The following WDFY3 variants were observed in gnomAD, a reference collection of about 807,000 sequenced individuals.
WDFY3 encodes the protein WD repeat and FYVE domain-containing protein 3.
A neutral mutation model predicts 409.6 loss-of-function variants in WDFY3; 66 were observed. The observed-to-expected ratio is 0.16, with a 90% CI of 0.13 to 0.20. WDFY3 has a LOEUF of 0.20. Ranked by LOEUF, WDFY3 falls within the 10% of genes least tolerant of loss-of-function variation. The probability of loss-of-function intolerance (pLI) is 1.00; values close to 1 mark genes in which losing one functional copy is unlikely to be tolerated. For missense variants in WDFY3, 3,031 were observed against 4,298.1 expected (o/e 0.71, Z 8.24); for synonymous variants, 1,521 against 1,537.1 (o/e 0.99, Z 0.25).
At chr4:84,748,644 T>A (rs1199786892) in intron 36 of WDFY3, among the ~76,000 whole-genome samples, 1 of 152,166 alleles carries the variant, frequency 6.6e-6, no homozygotes, top group Non-Finnish European at 1.5e-5. Context: ...TTGGCCTCAG[T>A]CACACTAAAG....
chr4:84,931,254 T>G (rs947722786), intron 2 of WDFY3, among the ~76,000 whole-genome samples: 3 of 152,196 alleles, frequency 2.0e-5, no homozygotes, highest in Non-Finnish European at 4.4e-5. Flanking sequence ...GAGACCTTTT[T>G]CAGAGAACAG....
chr4:84,831,339 A>G, intron 8 of WDFY3, 74 bp downstream of exon 8: 1 of 1,121,802 alleles, frequency 8.9e-7, no homozygotes. Flanking sequence ...ACTGAAAGAT[A>G]AAAATAAATC....
intron 3 of WDFY3, among the ~76,000 whole-genome samples, chr4:84,878,966 A>G (rs576998755): frequency 1.3e-5 from 2 of 152,310 alleles, no homozygotes; most frequent in Non-Finnish European, 2.9e-5. Flanking sequence ...GGGAATGCCG[A>G]CTTCAGTTTT....
At chr4:84,675,430 G>A (rs572210205) in intron 67 of WDFY3, among the ~76,000 whole-genome samples, 2 of 152,300 alleles carry the variant, frequency 1.3e-5, no homozygotes, top group Non-Finnish European at 1.5e-5. Context: ...TGGAACACCT[G>A]TTTTGCCAGA....
chr4:84,707,154 T>C (rs938727378), intron 53 of WDFY3, among the ~76,000 whole-genome samples: 7 of 152,036 alleles, frequency 4.6e-5, no homozygotes, highest in Middle Eastern at 3.2e-3. Context: ...GGTCTTGAAC[T>C]CCTGGACTCA....
chr4:84,947,284 G>A (rs952414802), intron 1 of WDFY3, among the ~76,000 whole-genome samples: 7 of 146,720 alleles, frequency 4.8e-5, no homozygotes, highest in East Asian at 2.1e-4. Context: ...AAGCCGAGGC[G>A]GGCGGATCAC....
chr4:84,688,621 C>T (rs749431647), intron 61 of WDFY3, among the ~76,000 whole-genome samples: 1 of 152,138 alleles, frequency 6.6e-6, no homozygotes, highest in Non-Finnish European at 1.5e-5. Context: ...TGATTATGGG[C>T]ATCAAAAATA....
chr4:84,889,270 A>G (rs575488032), intron 3 of WDFY3, among the ~76,000 whole-genome samples: 28 of 152,296 alleles, frequency 1.8e-4, no homozygotes, highest in Non-Finnish European at 3.1e-4. Context: ...TAAATGCATA[A>G]TATTATCCAT....
At chr4:84,694,483 G>A (rs1729781321) in intron 58 of WDFY3, among the ~76,000 whole-genome samples, 1 of 152,178 alleles carries the variant, frequency 6.6e-6, no homozygotes, top group African/African-American at 2.4e-5. Context: ...CAGTGCAAGT[G>A]TCTTGATTTT....
intron 21 of WDFY3, among the ~76,000 whole-genome samples, chr4:84,790,148 G>A (rs1164167069): frequency 7.9e-5 from 12 of 151,822 alleles, no homozygotes; most frequent in Admixed American, 4.6e-4. Flanking sequence ...TCAGGAGTTC[G>A]AGACCAGCCT....
intron 4 of WDFY3, among the ~76,000 whole-genome samples, chr4:84,853,455 T>A (rs1030115288): frequency 1.3e-5 from 2 of 152,250 alleles, no homozygotes; most frequent in African/African-American, 4.8e-5. Context: ...ATTACAGGCG[T>A]GAGCCAACTC....
intron 3 of WDFY3, among the ~76,000 whole-genome samples, chr4:84,882,424 G>A (rs982506316): frequency 1.3e-5 from 2 of 152,044 alleles, no homozygotes; most frequent in African/African-American, 2.4e-5. Flanking sequence ...ACGAATAGAC[G>A]GATAAATGGA....
intron 59 of WDFY3, among the ~76,000 whole-genome samples, chr4:84,692,170 T>A (rs985439980): frequency 3.3e-5 from 5 of 152,164 alleles, no homozygotes; most frequent in African/African-American, 1.2e-4. Context: ...ACCTTAGACT[T>A]CCTCAAGGAA....
chr4:84,882,057 T>C (rs549114518), intron 3 of WDFY3, among the ~76,000 whole-genome samples: 2 of 152,186 alleles, frequency 1.3e-5, no homozygotes, highest in Non-Finnish European at 2.9e-5. Flanking sequence ...CTTGAAGTCA[T>C]GCCTTTTGAC....
At chr4:84,685,867 C>G (rs981237960) in intron 62 of WDFY3, among the ~76,000 whole-genome samples, 4 of 152,128 alleles carry the variant, frequency 2.6e-5, no homozygotes, top group Admixed American at 2.6e-4. Flanking sequence ...ATAAAATTAT[C>G]AGTATTTAAG....
intron 56 of WDFY3, among the ~76,000 whole-genome samples, chr4:84,701,417 C>A (rs1731051131): frequency 6.6e-6 from 1 of 152,094 alleles, no homozygotes; most frequent in South Asian, 2.1e-4. Flanking sequence ...ATAGAAATAT[C>A]TTTCATATGT....
In WDFY3 at chr4:84,845,089, C is replaced by T. The variant is rs111466852; in HGVS notation, c.305-3826G>A. ...AGCTTGTTTCCTACTGAGATATCTA[C>T]AGCCCATATCTCAAGTAATCTGATA... is the stretch of plus-strand genomic sequence containing the variant. On this transcript the variant is annotated intron_variant, in intron 5 of 67. Transcript: ENST00000295888. 2.6e-3 allele frequency among the ~76,000 whole-genome samples: 390 copies of T among 152,242 alleles called. 1 individual carries two copies. Among genetic ancestry groups the T allele is most frequent in the African/African-American group, 9.0e-3 (372 of 41,530 alleles).
Position 84,929,468 on chromosome 4 carries a change from C to T in WDFY3, c.-132+2802G>A, listed in dbSNP as rs140970656. ...TTATGTAGGGCAATAGATTGAATTG[C>T]GCCCCCCCCCCCAAATTCATACGTT... On this transcript the variant is annotated intron_variant, in intron 2 of 67. Transcript: ENST00000295888. Among the ~76,000 whole-genome samples the T allele has an allele frequency of 2.7e-3, 406 of 149,620 alleles. 3 individuals carry two copies. The highest frequency in any genetic ancestry group is 4.4e-3 in the Non-Finnish European group (296 of 67,396).
At chr4:84,708,694 C>T (rs1037811002) in intron 53 of WDFY3, among the ~76,000 whole-genome samples, 4 of 152,040 alleles carry the variant, frequency 2.6e-5, no homozygotes, top group African/African-American at 4.8e-5. Flanking sequence ...GGGTCTGGCA[C>T]CACACCTGGC....
Sources: allele counts gnomAD v4.1 joint callset (sites outside exome capture counted in the v4.1 genomes callset), GRCh38; gene constraint gnomAD v4.1.1; transcripts MANE v1.5; gene names NCBI Gene and HGNC (gene_info 2026-07-23, HGNC 2026-07-21).